The following KCNQ5 variants were observed in gnomAD, a reference collection of about 807,000 sequenced individuals.
KCNQ5 encodes potassium voltage-gated channel subfamily Q member 5, also known as potassium voltage-gated channel subfamily KQT member 5.
In KCNQ5, 30 loss-of-function variants were observed where a neutral mutation model predicts 98.2. The ratio of observed to expected loss-of-function variants is 0.31; its 90% CI spans 0.23 to 0.41. KCNQ5 has a LOEUF of 0.41. Ranked by LOEUF, KCNQ5 falls within the 10% of genes least tolerant of loss-of-function variation. The probability of loss-of-function intolerance (pLI) is 1.00; values close to 1 mark genes in which losing one functional copy is unlikely to be tolerated. For synonymous variants in KCNQ5, 458 were observed against 449.4 expected (o/e 1.02, Z -0.24); for missense variants, 835 against 1,182.5 (o/e 0.71, Z 4.31).
chr6:72,920,311 A>T (rs1383347473), intron 1 of KCNQ5, among the ~76,000 whole-genome samples: 4 of 152,040 alleles, frequency 2.6e-5, no homozygotes, highest in Non-Finnish European at 5.9e-5. Flanking sequence ...GGGGAGGGGG[A>T]TTCTGCCTGT....
rs1403713858 is a variant in KCNQ5 at position 73,127,015 on chromosome 6, A to G, written c.1247+2503A>G. Among the ~76,000 whole-genome samples, 3 of 152,210 alleles carry G rather than the reference A, an allele frequency of 2.0e-5. No homozygotes were observed. In the East Asian group the frequency reaches 5.8e-4, roughly 29 times the overall value. ...CTAAGGAAAGTAAGCTGAAGCTCCC[A>G]TTTAATATTATGTAAGCTTTCACCT... On this transcript the variant is annotated intron_variant, in intron 9 of 13. Transcript: ENST00000370398.
chr6:73,047,118 G>A (rs112549001), intron 3 of KCNQ5, among the ~76,000 whole-genome samples: 3,721 of 152,198 alleles, frequency 0.024, 51 homozygotes, highest in East Asian at 0.054. Context: ...CTGTTTATTA[G>A]CATTTTAAAA....
At chr6:72,843,363 C>A (rs909228404) in intron 1 of KCNQ5, among the ~76,000 whole-genome samples, 4 of 152,116 alleles carry the variant, frequency 2.6e-5, no homozygotes, top group African/African-American at 9.7e-5. Flanking sequence ...GGTATCAGTA[C>A]CATGCTGTTT....
chr6:72,767,806 G>A (rs1160151123), intron 1 of KCNQ5, among the ~76,000 whole-genome samples: 6 of 151,944 alleles, frequency 3.9e-5, no homozygotes, highest in Admixed American at 3.9e-4. Context: ...CCCCAATTAG[G>A]ATGGCTATAG....
At chr6:73,055,150 G>C in intron 3 of KCNQ5, 3 of 790,042 alleles carry the variant, frequency 3.8e-6, no homozygotes, top group Non-Finnish European at 6.9e-6. Context: ...AGTGGAACCT[G>C]GAGAACCACT....
At chr6:73,015,233 A>C (rs1257777321) in intron 2 of KCNQ5, among the ~76,000 whole-genome samples, 1 of 152,122 alleles carries the variant, frequency 6.6e-6, no homozygotes. Flanking sequence ...ATGAACATTG[A>C]AAACTGCAGT....
chr6:73,192,191 TA>T (rs1330100168), intron 12 of KCNQ5, among the ~76,000 whole-genome samples: 3 of 152,356 alleles, frequency 2.0e-5, no homozygotes, highest in Non-Finnish European at 2.9e-5. Context: ...ACATGTACAA[TA>T]GATGCTCATA....
intron 7 of KCNQ5, among the ~76,000 whole-genome samples, chr6:73,114,967 C>T (rs1410183309): frequency 1.3e-5 from 2 of 152,048 alleles, no homozygotes; most frequent in African/African-American, 4.8e-5. Context: ...TAAGCTCAAG[C>T]CACTTATATA....
chr6:73,145,753 C>T (rs1776895540), intron 10 of KCNQ5, among the ~76,000 whole-genome samples: 1 of 152,124 alleles, frequency 6.6e-6, no homozygotes, highest in African/African-American at 2.4e-5. Context: ...AGTTTTTTCG[C>T]ACACTGCTAT....
At chr6:73,061,875 T>A (rs893198129) in intron 3 of KCNQ5, among the ~76,000 whole-genome samples, 3 of 152,170 alleles carry the variant, frequency 2.0e-5, no homozygotes, top group African/African-American at 7.2e-5. Flanking sequence ...GTGAAGCCTC[T>A]AATCAATCCT....
chr6:72,922,867 AGT>A (rs1489041776), intron 1 of KCNQ5, among the ~76,000 whole-genome samples: 1 of 125,578 alleles, frequency 8.0e-6, no homozygotes, highest in Non-Finnish European at 1.6e-5. Context: ...GCTGGAGTGC[AGT>A]GTCTCAATCT....
chr6:72,959,072 C>T (rs528782626), intron 1 of KCNQ5, among the ~76,000 whole-genome samples: 51 of 152,226 alleles, frequency 3.4e-4, no homozygotes, highest in African/African-American at 1.2e-3. Context: ...TTTTCCCTCT[C>T]GAAAATATGA....
chr6:72,744,507 G>A (rs1771280633), intron 1 of KCNQ5, among the ~76,000 whole-genome samples: 1 of 152,088 alleles, frequency 6.6e-6, no homozygotes, highest in Non-Finnish European at 1.5e-5. Flanking sequence ...ATACAAAAGT[G>A]AAATAGAAAA....
intron 1 of KCNQ5, among the ~76,000 whole-genome samples, chr6:72,633,345 T>C (rs1297025624): frequency 6.6e-6 from 1 of 152,204 alleles, no homozygotes; most frequent in East Asian, 1.9e-4. Context: ...GATGCATAGA[T>C]TGTGAATATT....
At chr6:72,958,775 A>G (rs891494698) in intron 1 of KCNQ5, among the ~76,000 whole-genome samples, 1 of 152,210 alleles carries the variant, frequency 6.6e-6, no homozygotes, top group African/African-American at 2.4e-5. Context: ...TGGAAACATA[A>G]TTTCTTACAT....
intron 1 of KCNQ5, among the ~76,000 whole-genome samples, chr6:72,663,625 A>G (rs569205352): frequency 9.2e-5 from 14 of 152,356 alleles, no homozygotes; most frequent in East Asian, 7.7e-4. Context: ...TGCTATGTCC[A>G]AAAGATCCCA....
intron 1 of KCNQ5, among the ~76,000 whole-genome samples, chr6:72,921,145 A>G (rs1032736029): frequency 2.6e-5 from 4 of 152,168 alleles, no homozygotes; most frequent in Non-Finnish European, 4.4e-5. Context: ...CCATATTAAG[A>G]TTGATCTCAT....
At chr6:73,124,159 G>A (rs1247077274) in intron 8 of KCNQ5, among the ~76,000 whole-genome samples, 1 of 152,208 alleles carries the variant, frequency 6.6e-6, no homozygotes, top group East Asian at 1.9e-4. Flanking sequence ...AACATTCTAA[G>A]AGCCCTTGCT....
Position 73,196,203 on chromosome 6 carries a change from C to T in KCNQ5, c.*789C>T, listed in dbSNP as rs2150529175. The T allele has an allele frequency of 6.6e-6, 1 of 152,410 alleles. No individual in the cohort carries two copies. The highest frequency in any genetic ancestry group is 1.9e-4 in the East Asian group (1 of 5,190). 9.4% of individuals were successfully genotyped at this position (152,410 alleles called of 1,614,324 possible). The stretch of plus-strand genomic sequence containing the variant: ...CTACACAAGCGTATGAAATACTGGT[C>T]AGTAGAACAGCCATTGTGATTGGAC... On this transcript the variant is annotated 3_prime_UTR_variant, in exon 14 of 14. Coordinates refer to ENST00000370398, the MANE Select transcript of KCNQ5 (RefSeq NM_019842.4).
Sources: gnomAD v4.1 joint callset for allele counts (sites outside exome capture counted in the v4.1 genomes callset) on GRCh38, gnomAD v4.1.1 for gene constraint, MANE v1.5 for transcripts, NCBI Gene and HGNC (gene_info 2026-07-23, HGNC 2026-07-21) for gene names.